Variants in SEZ6L2 observed in about 807,000 individuals in gnomAD.
SEZ6L2 encodes the protein seizure 6-like protein 2.
SEZ6L2 carries 44 observed loss-of-function variants against 97.0 expected under a neutral mutation model. That is an observed-to-expected ratio of 0.45 (90% confidence interval 0.36 to 0.58). The LOEUF (loss-of-function observed/expected upper bound fraction) is 0.58. SEZ6L2 is among the 20% of genes least tolerant of loss of function. The probability of loss-of-function intolerance (pLI) is 0.00; values close to 1 mark genes in which losing one functional copy is unlikely to be tolerated. For synonymous variants in SEZ6L2, 543 were observed against 546.1 expected (o/e 0.99, Z 0.08); for missense variants, 1,086 against 1,233.3 (o/e 0.88, Z 1.79).
chr16:29,897,394 C>A (rs1421244164), intron 2 of SEZ6L2, among the ~76,000 whole-genome samples: 2 of 151,888 alleles, frequency 1.3e-5, no homozygotes, highest in Admixed American at 6.6e-5. Flanking sequence ...CTCTCTCTGC[C>A]TCCTCACTCA....
chr16:29,881,620 C>CTTTTTTTT (rs59318540), intron 8 of SEZ6L2, among the ~76,000 whole-genome samples: 3 of 85,120 alleles, frequency 3.5e-5, no homozygotes, highest in East Asian at 3.8e-4. Flanking sequence ...ATGAGGAATT[C>CTTTTTTTT]TTTTTTTTTT....
chr16:29,878,571 A>C (rs1032618788), intron 9 of SEZ6L2, 146 bp from the exon 10 acceptor site: 5 of 568,314 alleles, frequency 8.8e-6, no homozygotes, highest in East Asian at 3.7e-5. Flanking sequence ...TTATTCTTTT[A>C]TTTTATTTAT....
At chr16:29,879,218 T>C (rs1246044468) in intron 9 of SEZ6L2, among the ~76,000 whole-genome samples, 1 of 147,244 alleles carries the variant, frequency 6.8e-6, no homozygotes, top group Non-Finnish European at 1.5e-5. Context: ...CACCTGTTTC[T>C]TTTTTCTTTC....
At chr16:29,887,874 C>T (rs760485265) in intron 6 of SEZ6L2, 57 bp from the exon 7 acceptor site, 104 of 1,581,080 alleles carry the variant, frequency 6.6e-5, no homozygotes, top group Non-Finnish European at 8.3e-5. Context: ...TCCTTCTCCT[C>T]GGGGCCTCGG....
chr16:29,879,758 G>T, intron 9 of SEZ6L2, 106 bp downstream of exon 9: 1 of 1,010,122 alleles, frequency 9.9e-7, no homozygotes. Context: ...GGCTTGGGTG[G>T]ATGAAGTCTG....
chr16:29,898,071 C>T, intron 1 of SEZ6L2, 87 bp from the exon 2 acceptor site: 1 of 1,570,834 alleles, frequency 6.4e-7, no homozygotes, highest in South Asian at 1.2e-5. Context: ...TTCCTCCCTC[C>T]TCCATCAGCT....
At chr16:29,896,153 G>T (rs1288472595) in intron 3 of SEZ6L2, among the ~76,000 whole-genome samples, 1 of 152,076 alleles carries the variant, frequency 6.6e-6, no homozygotes, top group African/African-American at 2.4e-5. Flanking sequence ...TTGTAGAAAT[G>T]GGGTCTTGCC....
intron 12 of SEZ6L2, among the ~76,000 whole-genome samples, chr16:29,874,393 G>A (rs1425179144): frequency 6.6e-6 from 1 of 151,900 alleles, no homozygotes; most frequent in African/African-American, 2.4e-5. Context: ...ATTATGCCCA[G>A]CCCAGTTCAC....
chr16:29,899,222 C>G lies in SEZ6L2; in HGVS notation c.-203G>C, dbSNP rs551725833. 33 of 572,490 alleles carry G rather than the reference C, an allele frequency of 5.8e-5. 1 individual carries two copies. The highest frequency in any genetic ancestry group is 4.8e-4 in the Middle Eastern group (1 of 2,094). 35.5% of individuals were successfully genotyped at this position (572,490 alleles called of 1,614,324 possible). A position where few individuals can be genotyped will look rare whatever the true frequency, so the allele number is the denominator to read the frequency against. ...CTAGGGGTCGCCTGGAGCCCACCCC[C>G]CTTTGCTCAGTCTCCTCTGTCCTCT... On this transcript the variant is annotated 5_prime_UTR_variant, in exon 1 of 18. Transcript: ENST00000617533.
chr16:29,886,045 A>AAAGGATGAT (rs1300693151), intron 7 of SEZ6L2: 1 of 248,704 alleles, frequency 4.0e-6, no homozygotes, highest in East Asian at 8.2e-5. Flanking sequence ...GTTGCTAGGT[A>AAAGGATGAT]AAGGATGATA....
chr16:29,873,860 G>A lies in SEZ6L2; in HGVS notation c.2105-131C>T. The stretch of plus-strand genomic sequence containing the variant: ...GTGGTGGCGCACTCCTGTGGTTCCA[G>A]CTACTCAGGAGTTGGAGGCGGGATG... On this transcript the variant is annotated intron_variant, in intron 12 of 17. Coordinates refer to ENST00000617533, the MANE Select transcript of SEZ6L2 (RefSeq NM_001243332.2). This position sits in a 1 kb window ranked among gnomAD's most constrained non-coding sequence, Gnocchi z 4.3. The A allele has an allele frequency of 1.2e-6, 1 of 804,654 alleles. No homozygotes were observed. Among genetic ancestry groups the A allele is most frequent in the Non-Finnish European group, 1.9e-6 (1 of 525,418 alleles). 49.8% of individuals were successfully genotyped at this position (804,654 alleles called of 1,614,324 possible).
chr16:29,881,150 C>T (rs1345081085), intron 8 of SEZ6L2, among the ~76,000 whole-genome samples: 1 of 152,214 alleles, frequency 6.6e-6, no homozygotes, highest in East Asian at 1.9e-4. Flanking sequence ...TCTAACACTC[C>T]TCATTCACAT....
At chr16:29,889,990 C>A (rs1298777858) in intron 5 of SEZ6L2, among the ~76,000 whole-genome samples, 1 of 151,998 alleles carries the variant, frequency 6.6e-6, no homozygotes, top group Non-Finnish European at 1.5e-5. Flanking sequence ...CTCACTGCAA[C>A]CTCCGTCTCC....
At chr16:29,877,646 A>G (rs1024948735) in intron 10 of SEZ6L2, among the ~76,000 whole-genome samples, 179 bp from the exon 11 acceptor site, 11 of 152,110 alleles carry the variant, frequency 7.2e-5, no homozygotes, top group African/African-American at 2.7e-4. Flanking sequence ...CTCCTATGCT[A>G]GTGCCTCAGG....
chr16:29,872,160 C>A, intron 17 of SEZ6L2, 27 bp downstream of exon 17: 1 of 1,540,184 alleles, frequency 6.5e-7, no homozygotes, highest in Non-Finnish European at 8.8e-7. Flanking sequence ...CAAGTGGTGG[C>A]TCTTCAGGGG....
intron 1 of SEZ6L2, 41 bp from the exon 2 acceptor site, chr16:29,898,025 C>A: frequency 1.2e-6 from 2 of 1,608,698 alleles, no homozygotes; most frequent in Non-Finnish European, 1.7e-6. Context: ...CTTCCCCACA[C>A]CCCTTCCTTC....
In SEZ6L2 at chr16:29,899,013, T is replaced by A; in HGVS notation, c.7A>T (p.Thr3Ser). ...GGCGGCGGGTGCTGGGCCCTGGGAG[T>A]CCCCATGGCGACTCACCCCGATCTC... MG[T>S]PRAQHPPPPQ... The change falls in exon 1 of 18, where the codon ACT (threonine) becomes TCT (serine). Residue 3 changes from threonine to serine, a missense_variant. This residue lies in a region of SEZ6L2 where 776 missense variants were observed against 794.7 expected (regional missense o/e 0.98). Transcript: ENST00000617533. The A allele has an allele frequency of 6.2e-7, 1 of 1,606,608 alleles. No individual in the cohort carries two copies. Among genetic ancestry groups the A allele is most frequent in the Non-Finnish European group, 8.5e-7 (1 of 1,178,112 alleles).
In SEZ6L2 at chr16:29,888,740, C is replaced by CAG; in HGVS notation, c.854-17_854-16dup. On this transcript the variant is annotated splice_polypyrimidine_tract_variant and intron_variant, in intron 5 of 17. Coordinates refer to ENST00000617533, the MANE Select transcript of SEZ6L2 (RefSeq NM_001243332.2). ...CAGGAGGTAGGCTGCACCAGACAGA[C>CAG]AGCGGGTAGCAGGGCTCACTTTCCC... 1 of 1,597,750 alleles carries CAG rather than the reference C, an allele frequency of 6.3e-7. No individual in the cohort carries two copies. Among genetic ancestry groups the CAG allele is most frequent in the Middle Eastern group, 1.8e-4 (1 of 5,656 alleles).
intron 8 of SEZ6L2, among the ~76,000 whole-genome samples, chr16:29,883,528 G>C (rs578246491): frequency 6.6e-6 from 1 of 152,124 alleles, no homozygotes; most frequent in African/African-American, 2.4e-5. Context: ...ATGTTGCTCA[G>C]ACTGGTTCTC....
Sources: allele counts gnomAD v4.1 joint callset (sites outside exome capture counted in the v4.1 genomes callset), GRCh38; gene constraint gnomAD v4.1.1; regional missense constraint gnomAD v4.1.1; non-coding constraint Gnocchi (gnomAD v3.1); transcripts MANE v1.5; gene names NCBI Gene and HGNC (gene_info 2026-07-23, HGNC 2026-07-21).